Variants in CRYBB2 observed in about 807,000 individuals in gnomAD.
CRYBB2 encodes the protein crystallin beta B2, also known as beta-crystallin B2.
Under a neutral mutation model 24.3 loss-of-function variants are expected in CRYBB2, and 12 were observed. The ratio of observed to expected loss-of-function variants is 0.49; its 90% CI spans 0.32 to 0.80. The LOEUF (loss-of-function observed/expected upper bound fraction) is 0.80. CRYBB2 is among the 30% of genes least tolerant of loss of function. The pLI is 0.04. For missense variants in CRYBB2, 198 were observed against 268.5 expected (o/e 0.74, Z 1.83); for synonymous variants, 98 against 101.6 (o/e 0.96, Z 0.21).
chr22:25,216,565 C>T (rs1189898885), upstream of CRYBB2, among the ~76,000 whole-genome samples: 1 of 152,202 alleles, frequency 6.6e-6, no homozygotes, highest in Non-Finnish European at 1.5e-5. Context: ...AGCTTGATGT[C>T]AGGCTTCCAG....
intron 1 of CRYBB2, among the ~76,000 whole-genome samples, chr22:25,214,055 T>C (rs375274652): frequency 1.3e-5 from 2 of 152,198 alleles, no homozygotes; most frequent in African/African-American, 4.8e-5. Flanking sequence ...CCTTTGCTTT[T>C]GGGCCAGGTG....
Position 25,221,400 on chromosome 22 carries a change from C to T in CRYBB2, c.-26-4C>T, listed in dbSNP as rs1569018075. On this transcript the variant is annotated splice_polypyrimidine_tract_variant and splice_region_variant and intron_variant, in intron 1 of 5. Coordinates refer to ENST00000398215, the MANE Select transcript of CRYBB2 (RefSeq NM_000496.3). ...TCCTCACTGCTGCTTCCCATGTCTTCCAGGTCATTCCTGCACAGGACAGTC... is the reference window on the plus strand; with the variant it reads ...TCCTCACTGCTGCTTCCCATGTCTTTCAGGTCATTCCTGCACAGGACAGTC... 1 of 1,605,860 alleles carries T rather than the reference C, an allele frequency of 6.2e-7. No homozygotes were observed. Among genetic ancestry groups the T allele is most frequent in the East Asian group, 2.2e-5 (1 of 44,838 alleles).
chr22:25,217,287 C>T (rs184489352), upstream of CRYBB2, among the ~76,000 whole-genome samples: 376 of 152,056 alleles, frequency 2.5e-3, 3 homozygotes, highest in African/African-American at 8.1e-3. Flanking sequence ...CACTTTATTA[C>T]AGCAGCCCTG....
intron 2 of CRYBB2, 33 bp from the exon 3 acceptor site, chr22:25,224,885 T>C: frequency 8.5e-7 from 1 of 1,177,034 alleles, no homozygotes; most frequent in South Asian, 1.2e-5. Flanking sequence ...CTCTTCATCG[T>C]GATGAGGGTC....
exon 1 of CRYBB2, chr22:25,212,806 G>T (rs1356980776): frequency 6.6e-6 from 1 of 152,182 alleles, no homozygotes; most frequent in African/African-American, 2.4e-5. Context: ...ACTAACAGGA[G>T]CTGGGGTATC....
At chr22:25,224,724 G>A (rs555159097) in intron 2 of CRYBB2, among the ~76,000 whole-genome samples, 194 bp from the exon 3 acceptor site, 1 of 152,146 alleles carries the variant, frequency 6.6e-6, no homozygotes. Flanking sequence ...GCTCAGAGAG[G>A]AGAAATGCAG....
At chr22:25,223,493 T>C (rs1158672738) in intron 2 of CRYBB2, among the ~76,000 whole-genome samples, 1 of 152,114 alleles carries the variant, frequency 6.6e-6, no homozygotes, top group African/African-American at 2.4e-5. Flanking sequence ...AGTATTGAAT[T>C]GCTTTTTAGG....
chr22:25,222,067 C>G (rs908447933), intron 2 of CRYBB2, among the ~76,000 whole-genome samples: 1 of 152,208 alleles, frequency 6.6e-6, no homozygotes, highest in African/African-American at 2.4e-5. Flanking sequence ...GATCTTATCC[C>G]AACGTCAGAG....
At chr22:25,218,760 A>AGGG (rs1935241492), upstream of CRYBB2, among the ~76,000 whole-genome samples, 1 of 44,564 alleles carries the variant, frequency 2.2e-5, no homozygotes, top group Admixed American at 1.9e-4. Flanking sequence ...AGAGAGAGAG[A>AGGG]GAGAGAGAGA....
intron 3 of CRYBB2, 81 bp from the exon 4 acceptor site, chr22:25,227,772 T>A: frequency 6.2e-7 from 1 of 1,608,970 alleles, no homozygotes; most frequent in East Asian, 2.2e-5. Context: ...ACCCTAGGGG[T>A]CAACATCAGT....
upstream of CRYBB2, among the ~76,000 whole-genome samples, chr22:25,216,517 T>C (rs1301432265): frequency 2.0e-5 from 3 of 152,164 alleles, no homozygotes; most frequent in Admixed American, 6.5e-5. Flanking sequence ...GGAAGGACCC[T>C]CACCTAGAAC....
intron 1 of CRYBB2, among the ~76,000 whole-genome samples, chr22:25,213,111 A>G (rs537646781): frequency 2.0e-5 from 3 of 152,292 alleles, no homozygotes; most frequent in Admixed American, 6.5e-5. Context: ...TTATTAATTT[A>G]TTTTGAAAGC....
At chr22:25,229,003 T>G (rs1202455048) in intron 4 of CRYBB2, among the ~76,000 whole-genome samples, 1 of 150,734 alleles carries the variant, frequency 6.6e-6, no homozygotes, top group Non-Finnish European at 1.5e-5. Flanking sequence ...TGTGCGTGTG[T>G]GTGCAAGTGT....
chr22:25,227,994 C>A lies in CRYBB2; in HGVS notation c.306+9C>A. The A allele has an allele frequency of 6.2e-7, 1 of 1,614,074 alleles. No individual in the cohort carries two copies. Among genetic ancestry groups the A allele is most frequent in the Non-Finnish European group, 8.5e-7 (1 of 1,180,012 alleles). ...TGAGGCCCATCAAAGTGGTGAGCCC[C>A]CTGCCATCACCCTACTCCCTCTCTC... On this transcript the variant is annotated intron_variant, in intron 4 of 5. Transcript: ENST00000398215.
chr22:25,214,795 T>G (rs1935146368), upstream of CRYBB2, among the ~76,000 whole-genome samples: 1 of 152,214 alleles, frequency 6.6e-6, no homozygotes, highest in South Asian at 2.1e-4. Context: ...GCTGAAGGTT[T>G]TGGAGTCTAC....
upstream of CRYBB2, among the ~76,000 whole-genome samples, chr22:25,218,073 C>A (rs1935202159): frequency 6.6e-6 from 1 of 151,458 alleles, no homozygotes. Context: ...TCCTGGCTAA[C>A]ACAGTGAAAC....
At chr22:25,212,112 G>A (rs1053011425), upstream of CRYBB2, among the ~76,000 whole-genome samples, 2 of 152,208 alleles carry the variant, frequency 1.3e-5, no homozygotes, top group African/African-American at 4.8e-5. Context: ...TGCAATATGA[G>A]TGTTCATCAT....
intron 5 of CRYBB2, among the ~76,000 whole-genome samples, chr22:25,230,468 T>C (rs1569022127): frequency 2.0e-5 from 3 of 152,160 alleles, no homozygotes; most frequent in Non-Finnish European, 4.4e-5. Context: ...GAACGGACTC[T>C]TAAATTTTCA....
intron 1 of CRYBB2, chr22:25,213,282 GT>G (rs1935128336): frequency 6.6e-6 from 1 of 152,162 alleles, no homozygotes; most frequent in Non-Finnish European, 1.5e-5. Context: ...GTATCTAAAA[GT>G]TAAATATTGT....
Sources: allele counts gnomAD v4.1 joint callset (sites outside exome capture counted in the v4.1 genomes callset), GRCh38; gene constraint gnomAD v4.1.1; transcripts MANE v1.5; gene names NCBI Gene and HGNC (gene_info 2026-07-23, HGNC 2026-07-21).